APLP1: variants seen among roughly 807,000 people sequenced by gnomAD.
APLP1 encodes amyloid beta (A4) precursor-like protein 1.
Under a neutral mutation model 84.5 loss-of-function variants are expected in APLP1, and 46 were observed. The observed-to-expected ratio is 0.54, with a 90% CI of 0.43 to 0.70. The LOEUF (loss-of-function observed/expected upper bound fraction) is 0.70, where lower values mean the gene tolerates loss of function less well. Among genes scored for constraint, APLP1 ranks in the 30% least tolerant of loss-of-function variants. The pLI, the probability that APLP1 is intolerant of heterozygous loss-of-function variation, is 0.00. For missense variants in APLP1, 826 were observed against 900.2 expected (o/e 0.92, Z 1.05); for synonymous variants, 376 against 364.0 (o/e 1.03, Z -0.38).
intron 11 of APLP1, 26 bp from the exon 12 acceptor site, chr19:35,877,692 G>A (rs776376213): frequency 1.3e-6 from 2 of 1,573,620 alleles, no homozygotes; most frequent in Non-Finnish European, 1.7e-6. Context: ...CACTACCTCA[G>A]CCACCTTTCT....
chr19:35,876,487 A>T (rs1974283740), intron 10 of APLP1, 30 bp from the exon 11 acceptor site: 1 of 1,576,322 alleles, frequency 6.3e-7, no homozygotes, highest in South Asian at 1.1e-5. Context: ...TGCATTGCGC[A>T]GTTCATCCTT....
At chr19:35,869,627 C>A in intron 1 of APLP1, 40 bp from the exon 2 acceptor site, 2 of 1,605,902 alleles carry the variant, frequency 1.2e-6, no homozygotes, top group East Asian at 2.2e-5. Context: ...CTCATGCCAA[C>A]GCCCCCCGAG....
intron 1 of APLP1, chr19:35,869,261 C>A: frequency 2.0e-6 from 1 of 495,090 alleles, no homozygotes. Flanking sequence ...GGACTGTAGG[C>A]CCCTGAAGCC....
chr19:35,874,663 G>A lies in APLP1; in HGVS notation c.1215+1G>A. On this transcript the variant is annotated splice_donor_variant, in intron 9 of 16. Transcript: ENST00000221891. LOFTEE classifies it high-confidence loss of function. The surrounding 1 kb of genome is among the most constrained non-coding windows in gnomAD (Gnocchi z 6.4). ...AGCCCTGCAGGCAGATCCGCCTCAG[G>A]TGCGGGGACCGTGGGGGCAGAGAGC... 1 of 1,613,538 alleles carries A rather than the reference G, an allele frequency of 6.2e-7. No individual in the cohort carries two copies. Among genetic ancestry groups the A allele is most frequent in the South Asian group, 1.1e-5 (1 of 91,060 alleles).
intron 11 of APLP1, among the ~76,000 whole-genome samples, chr19:35,877,496 A>C (rs1325563137): frequency 1.3e-5 from 2 of 148,942 alleles, no homozygotes; most frequent in East Asian, 2.0e-4. Flanking sequence ...CTCAAAAAAA[A>C]AAAAACAAAA....
In APLP1 at chr19:35,871,673, A is replaced by T. The variant is rs1009146723; in HGVS notation, c.599A>T (p.Asp200Val). The T allele has an allele frequency of 6.2e-7, 1 of 1,613,772 alleles. No homozygotes were observed. Among genetic ancestry groups the T allele is most frequent in the Non-Finnish European group, 8.5e-7 (1 of 1,180,012 alleles). The change falls in exon 5 of 17, where the codon GAT (aspartate) becomes GTT (valine). Residue 200 changes from aspartate (D) to valine (V), a missense_variant. By Grantham distance (152) the Asp-to-Val change is radical. Transcript: ENST00000221891. ...GGCATGCTCTTACCCTGTGGCTCGG[A>T]TCGGTTCCGTGGTGTGGAGTATGTG... ...GSGMLLPCGSDRFRGVEYVCC... is the reference protein window; with the variant it reads ...GSGMLLPCGSVRFRGVEYVCC...
At chr19:35,872,067 T>G (rs1974168396) in intron 6 of APLP1, 31 bp downstream of exon 6, 1 of 1,601,814 alleles carries the variant, frequency 6.2e-7, no homozygotes, top group African/African-American at 1.3e-5. Flanking sequence ...CTGGGGCCTC[T>G]CCACCATAGA....
intron 1 of APLP1, chr19:35,869,364 G>T (rs1193789679): frequency 7.0e-6 from 4 of 573,208 alleles, no homozygotes; most frequent in Non-Finnish European, 1.2e-5. Context: ...CTCCTCCTCC[G>T]CGATTCAGGT....
rs1974356448 is a variant in APLP1 at position 35,879,188 on chromosome 19, T to G, written c.1828T>G (p.Tyr610Asp). The G allele has an allele frequency of 1.2e-6, 2 of 1,612,936 alleles. No individual in the cohort carries two copies. The highest frequency in any genetic ancestry group is 1.7e-6 in the Non-Finnish European group (2 of 1,179,986). ...SMLLLRRKKPYGAISHGVVEV... is the reference protein window; with the variant it reads ...SMLLLRRKKPDGAISHGVVEV... The stretch of plus-strand genomic sequence containing the variant: ...GCTGCTCCTGCGCAGGAAGAAGCCC[T>G]ACGGGGCTATCAGCCATGGCGTGGT... Residue 610 changes from tyrosine to aspartate, a missense_variant, in exon 16 of 17, where the codon TAC becomes GAC. Physicochemically the swap from Tyr to Asp is radical, Grantham distance 160. This residue lies in a region of APLP1 where 433 missense variants were observed against 496.5 expected (regional missense o/e 0.87). Transcript: ENST00000221891.
rs753666792 is a variant in APLP1, at chr19:35,871,866, C to T, written c.680C>T (p.Ser227Phe). The change falls in exon 6 of 17, where the codon TCC (serine) becomes TTC (phenylalanine). Residue 227 changes from serine to phenylalanine, a missense_variant. This residue lies in a region of APLP1 where 383 missense variants were observed against 378.3 expected (regional missense o/e 1.01). Coordinates refer to ENST00000221891, the MANE Select transcript of APLP1 (RefSeq NM_001024807.3). ...CTCTCCTGCTCCCTCAGTGACCCCT[C>T]CACCCGGTCCTGGCCCCCGGGGAGC... ...DPSGTAVGDP[S>F]TRSWPPGSRV... is the part of the protein sequence containing the mutation. The T allele has an allele frequency of 6.2e-7, 1 of 1,613,944 alleles. No homozygotes were observed. Among genetic ancestry groups the T allele is most frequent in the South Asian group, 1.1e-5 (1 of 91,068 alleles).
intron 7 of APLP1, 89 bp from the exon 8 acceptor site, chr19:35,873,550 G>A (rs1974209600): frequency 7.4e-7 from 1 of 1,342,318 alleles, no homozygotes. Context: ...CCCAGCCATG[G>A]GGCTTCTAAA....
chr19:35,868,759 C>G lies in APLP1; in HGVS notation c.123C>G (p.Ala41=). 5 of 1,289,486 alleles carry G rather than the reference C, an allele frequency of 3.9e-6. No homozygotes were observed. Among genetic ancestry groups the G allele is most frequent in the Non-Finnish European group, 4.9e-6 (5 of 1,019,438 alleles). 79.9% of individuals were successfully genotyped at this position (1,289,486 alleles called of 1,614,324 possible). A position where few individuals can be genotyped will look rare whatever the true frequency, so the allele number is the denominator to read the frequency against. ...CGCAGCCCGCCATCGGGAGCCTGGC[C>G]GGTGGGAGCCCCGGCGCGGCCGAGG... ...LRAQPAIGSL[A]GGSPGAAEAP... The change falls in exon 1 of 17, where the codon GCC becomes GCG. Residue 41 remains alanine (A), a synonymous_variant. Transcript: ENST00000221891. This position sits in a 1 kb window ranked among gnomAD's most constrained non-coding sequence, Gnocchi z 5.2.
intron 1 of APLP1, chr19:35,869,035 C>T: frequency 2.8e-6 from 1 of 355,150 alleles, no homozygotes; most frequent in Admixed American, 4.8e-5. Flanking sequence ...GTCCAGCCCC[C>T]TCTCCAGACC....
In APLP1 at chr19:35,868,797, G is replaced by A. The variant is rs1415818756; in HGVS notation, c.147+14G>A. The A allele has an allele frequency of 2.3e-6, 3 of 1,287,846 alleles. No homozygotes were observed. The highest frequency in any genetic ancestry group is 2.3e-5 in the South Asian group (1 of 43,724). The allele number at this position is 1,287,846 out of a possible 1,614,324, so 79.8% of individuals were successfully genotyped here. A position where few individuals can be genotyped will look rare whatever the true frequency, so the allele number is the denominator to read the frequency against. On this transcript the variant is annotated intron_variant, in intron 1 of 16. Coordinates refer to ENST00000221891, the MANE Select transcript of APLP1 (RefSeq NM_001024807.3). This position sits in a 1 kb window ranked among gnomAD's most constrained non-coding sequence, Gnocchi z 5.2. ...GGCGCGGCCGAGGTGAGGCCGGGCC[G>A]GGTCCTGGGGGATGGGGGAAGGGGC...
At chr19:35,875,187 G>A (rs1370488975) in intron 10 of APLP1, among the ~76,000 whole-genome samples, 3 of 137,036 alleles carry the variant, frequency 2.2e-5, no homozygotes, top group Non-Finnish European at 4.6e-5. Flanking sequence ...TTTTGAGACA[G>A]GTTCTTGCTC....
rs754680612 is a variant in APLP1, at chr19:35,870,965, G to A, written c.361G>A (p.Gly121Arg). The change falls in exon 3 of 17, where the codon GGG becomes AGG. Residue 121 changes from glycine to arginine, a missense_variant. Gly to Arg is a moderately radical substitution (Grantham distance 125). This residue lies in a region of APLP1 where 383 missense variants were observed against 378.3 expected (regional missense o/e 1.01). Coordinates refer to ENST00000221891, the MANE Select transcript of APLP1 (RefSeq NM_001024807.3). ...GGCCATCCCCATGGAGCGCTGGTGC[G>A]GGGGTTCCCGGAGCGGCAGCTGCGC... ...TQAIPMERWC[G>R]GSRSGSCAHP... 3.8e-6 allele frequency: 6 copies of A among 1,582,502 alleles called. No homozygotes were observed. The highest frequency in any genetic ancestry group is 2.3e-5 in the East Asian group (1 of 43,738).
rs144655560 is a variant in APLP1, at chr19:35,879,180, A to G, written c.1820A>G (p.Lys607Arg). Reference protein sequence around the residue: ...IVLSMLLLRRKKPYGAISHGV... With the variant: ...IVLSMLLLRRRKPYGAISHGV... ...CTCTCCATGCTGCTCCTGCGCAGGA[A>G]GAAGCCCTACGGGGCTATCAGCCAT... The change falls in exon 16 of 17, where the codon AAG becomes AGG. Residue 607 changes from lysine to arginine, a missense_variant. Coordinates refer to ENST00000221891, the MANE Select transcript of APLP1 (RefSeq NM_001024807.3). The G allele has an allele frequency of 6.4e-5, 103 of 1,613,010 alleles. No individual in the cohort carries two copies. Among genetic ancestry groups the G allele is most frequent in the Non-Finnish European group, 8.0e-5 (94 of 1,180,022 alleles).
intron 11 of APLP1, 23 bp from the exon 12 acceptor site, chr19:35,877,695 A>C (rs1457144845): frequency 9.5e-6 from 15 of 1,581,698 alleles, no homozygotes; most frequent in Non-Finnish European, 1.3e-5. Context: ...TACCTCAGCC[A>C]CCTTTCTGCA....
At position 35,879,417 on chromosome 19, in the gene APLP1, C is replaced by T; in HGVS notation, c.1932C>T (p.Tyr644=). 1 of 1,613,614 alleles carries T rather than the reference C, an allele frequency of 6.2e-7. No individual in the cohort carries two copies. The highest frequency in any genetic ancestry group is 8.5e-7 in the Non-Finnish European group (1 of 1,180,032). ...GGCACGGCTATGAGAACCCCACTTA[C>T]CGCTTCCTGGAGGAACGACCCTGAC... The part of the protein sequence containing the change: ...LQRHGYENPT[Y]RFLEERP The change falls in exon 17 of 17, where the codon TAC becomes TAT. Residue 644 remains tyrosine (Y), a synonymous_variant. Coordinates refer to ENST00000221891, the MANE Select transcript of APLP1 (RefSeq NM_001024807.3).
Sources: allele counts gnomAD v4.1 joint callset (sites outside exome capture counted in the v4.1 genomes callset), GRCh38; gene constraint gnomAD v4.1.1; regional missense constraint gnomAD v4.1.1; non-coding constraint Gnocchi (gnomAD v3.1); transcripts MANE v1.5; gene names NCBI Gene and HGNC (gene_info 2026-07-23, HGNC 2026-07-21).